WDR25: variants seen among roughly 807,000 people sequenced by gnomAD.
WDR25 encodes the protein WD repeat-containing protein 25.
In WDR25, 35 loss-of-function variants were observed where a neutral mutation model predicts 47.7. That is an observed-to-expected ratio of 0.73 (90% confidence interval 0.56 to 0.97). WDR25 has a LOEUF of 0.97. Among genes scored for constraint, WDR25 ranks in the 50% least tolerant of loss-of-function variants. The pLI, the probability that WDR25 is intolerant of heterozygous loss-of-function variation, is 0.00. For synonymous variants in WDR25, 248 were observed against 278.9 expected, an observed-to-expected ratio of 0.89 and a Z score of 1.10; for missense variants, 634 against 704.7, an observed-to-expected ratio of 0.90 and a Z score of 1.14.
At position 100,428,658 on chromosome 14, in the gene WDR25, A is replaced by T. The variant is rs148345620; in HGVS notation, c.823-39363A>T. ...CCTCTTCCCTGGTCTTATCCCTCGG[A>T]GGTGCTCTGCTGAGAGCTGCCCCTG... On this transcript the variant is annotated intron_variant, in intron 2 of 6. Transcript: ENST00000402312. This position sits in a 1 kb window ranked among gnomAD's most constrained non-coding sequence, Gnocchi z 4.3. Among the ~76,000 whole-genome samples the T allele has an allele frequency of 1.3e-4, 20 of 152,192 alleles. No individual in the cohort carries two copies. The highest frequency in any genetic ancestry group is 3.9e-4 in the African/African-American group (16 of 41,534).
At chr14:100,414,715 G>A (rs1358823219) in intron 2 of WDR25, among the ~76,000 whole-genome samples, 1 of 152,102 alleles carries the variant, frequency 6.6e-6, no homozygotes, top group Non-Finnish European at 1.5e-5. Context: ...TATGGTAATT[G>A]TGTATTCAGC....
chr14:100,497,916 G>T (rs1900788137), intron 4 of WDR25, among the ~76,000 whole-genome samples: 1 of 152,150 alleles, frequency 6.6e-6, no homozygotes, highest in Non-Finnish European at 1.5e-5. Context: ...TGTGAGGGCT[G>T]GGAGACATGA....
chr14:100,410,559 C>T (rs1269423288), intron 2 of WDR25, among the ~76,000 whole-genome samples: 1 of 152,060 alleles, frequency 6.6e-6, no homozygotes, highest in Non-Finnish European at 1.5e-5. Flanking sequence ...AGACAGCATG[C>T]AAGCTGAGGT....
At chr14:100,515,426 A>G (rs531468899) in intron 4 of WDR25, among the ~76,000 whole-genome samples, 1 of 152,046 alleles carries the variant, frequency 6.6e-6, no homozygotes, top group East Asian at 1.9e-4. Flanking sequence ...CTGTTCTTCC[A>G]TATCTTCAAA....
At chr14:100,398,314 T>C (rs1897304972) in intron 2 of WDR25, among the ~76,000 whole-genome samples, 1 of 152,202 alleles carries the variant, frequency 6.6e-6, no homozygotes, top group Non-Finnish European at 1.5e-5. Context: ...GTTTAATAAT[T>C]TACTTTTGCT....
At chr14:100,522,084 T>A (rs1266584030) in intron 4 of WDR25, among the ~76,000 whole-genome samples, 1 of 149,542 alleles carries the variant, frequency 6.7e-6, no homozygotes, top group Non-Finnish European at 1.5e-5. Flanking sequence ...TGTAGAGCTA[T>A]TGGTCTTTTT....
chr14:100,525,898 A>G lies in WDR25; in HGVS notation c.1130A>G (p.Gln377Arg), dbSNP rs777145182. ...ATGAGAAGCTACAAGGCGACCATCC[A>G]GCAGACCTTGGACATCCTGTTCCTC... is the stretch of plus-strand genomic sequence containing the variant. ...KVMRSYKATI[Q>R]QTLDILFLRE... Residue 377 changes from glutamine (Q) to arginine (R), a missense_variant, in exon 5 of 7, where the codon CAG becomes CGG. Transcript: ENST00000402312. This position sits in a 1 kb window ranked among gnomAD's most constrained non-coding sequence, Gnocchi z 4.6. 1.2e-6 allele frequency: 2 copies of G among 1,613,930 alleles called. No homozygotes were observed. Among genetic ancestry groups the G allele is most frequent in the Non-Finnish European group, 1.7e-6 (2 of 1,179,918 alleles).
chr14:100,468,090 G>A lies in WDR25; in HGVS notation c.892G>A (p.Ala298Thr), dbSNP rs370067304. 1.2e-5 allele frequency: 19 copies of A among 1,613,286 alleles called. No individual in the cohort carries two copies. Among genetic ancestry groups the A allele is most frequent in the Admixed American group, 1.7e-5 (1 of 60,010 alleles). The change falls in exon 3 of 7, where the codon GCC becomes ACC. Residue 298 changes from alanine to threonine, a missense_variant. Ala to Thr is a moderately conservative substitution (Grantham distance 58). Coordinates refer to ENST00000402312, the MANE Select transcript of WDR25 (RefSeq NM_001161476.3). The surrounding 1 kb of genome is among the most constrained non-coding windows in gnomAD (Gnocchi z 4.5). ...YSLHTEAVRAARWAPCGRRIL... is the reference protein window; with the variant it reads ...YSLHTEAVRATRWAPCGRRIL... ...CCTGCACACAGAGGCAGTGCGGGCC[G>A]CCCGGTGGGCTCCCTGTGGCCGGCG...
intron 3 of WDR25, among the ~76,000 whole-genome samples, chr14:100,471,024 C>A (rs577116578): frequency 6.6e-6 from 1 of 152,198 alleles, no homozygotes; most frequent in Admixed American, 6.5e-5. Flanking sequence ...GCACCCACTG[C>A]GTGTAGGACT....
In WDR25 at chr14:100,424,719, T is replaced by G. The variant is rs1898119968; in HGVS notation, c.822+42973T>G. Among the ~76,000 whole-genome samples, 1 of 152,158 alleles carries G rather than the reference T, an allele frequency of 6.6e-6. No individual in the cohort carries two copies. The highest frequency in any genetic ancestry group is 1.5e-5 in the Non-Finnish European group (1 of 68,014). On this transcript the variant is annotated intron_variant, in intron 2 of 6. Coordinates refer to ENST00000402312, the MANE Select transcript of WDR25 (RefSeq NM_001161476.3). The surrounding 1 kb of genome is among the most constrained non-coding windows in gnomAD (Gnocchi z 4.2). ...CTAGAATCTTGGTGCGATTCGGTGG[T>G]TAGGCTGATCTCAGGGTTCCTTTCA... is the stretch of plus-strand genomic sequence containing the variant.
intron 4 of WDR25, among the ~76,000 whole-genome samples, chr14:100,504,956 T>G (rs545713706): frequency 2.9e-4 from 44 of 152,284 alleles, no homozygotes; most frequent in Admixed American, 5.9e-4. Flanking sequence ...TGGCTTTAAT[T>G]TCTTCTCCCT....
intron 3 of WDR25, among the ~76,000 whole-genome samples, chr14:100,483,020 A>C (rs1379010368): frequency 6.6e-6 from 1 of 152,150 alleles, no homozygotes; most frequent in Non-Finnish European, 1.5e-5. Flanking sequence ...TGTGGGGGAC[A>C]TATACGGGGG....
chr14:100,482,363 G>T (rs1900232569), intron 3 of WDR25, among the ~76,000 whole-genome samples: 1 of 151,928 alleles, frequency 6.6e-6, no homozygotes, highest in Non-Finnish European at 1.5e-5. Context: ...TCTTAATAAG[G>T]GTATATTAAA....
chr14:100,505,055 T>C (rs1901066546), intron 4 of WDR25, among the ~76,000 whole-genome samples: 1 of 152,216 alleles, frequency 6.6e-6, no homozygotes, highest in Non-Finnish European at 1.5e-5. Context: ...AGTATTTGCC[T>C]ATATAAATTT....
intron 3 of WDR25, among the ~76,000 whole-genome samples, chr14:100,472,366 A>G (rs1194988992): frequency 1.3e-5 from 2 of 152,352 alleles, no homozygotes; most frequent in East Asian, 3.9e-4. Flanking sequence ...GACAGGGTAC[A>G]GGTGTTGGCT....
chr14:100,484,238 CA>C, intron 4 of WDR25, 114 bp downstream of exon 4: 2 of 1,202,486 alleles, frequency 1.7e-6, no homozygotes, highest in East Asian at 5.0e-5. Flanking sequence ...GAATAATTAC[CA>C]CTTAATATTT....
intron 4 of WDR25, among the ~76,000 whole-genome samples, chr14:100,497,160 T>C (rs1595147814): frequency 6.6e-6 from 1 of 152,226 alleles, no homozygotes; most frequent in African/African-American, 2.4e-5. Flanking sequence ...GCCCAGAATA[T>C]AGCCTGCAGT....
chr14:100,455,825 G>A (rs902427151), intron 2 of WDR25, among the ~76,000 whole-genome samples: 2 of 152,204 alleles, frequency 1.3e-5, no homozygotes, highest in African/African-American at 4.8e-5. Context: ...GTAGATCACT[G>A]CTGGCCTTCT....
intron 2 of WDR25, among the ~76,000 whole-genome samples, chr14:100,389,013 G>A (rs1040854784): frequency 2.6e-5 from 4 of 152,198 alleles, no homozygotes; most frequent in Non-Finnish European, 1.5e-5. Flanking sequence ...CTTAGGAGTC[G>A]AGACAGTCTA....
Sources: gnomAD v4.1 joint callset for allele counts (sites outside exome capture counted in the v4.1 genomes callset) on GRCh38, gnomAD v4.1.1 for gene constraint, Gnocchi (gnomAD v3.1) non-coding constraint, MANE v1.5 for transcripts, NCBI Gene and HGNC (gene_info 2026-07-23, HGNC 2026-07-21) for gene names.